The following ARHGAP15 variants were observed in gnomAD, a reference collection of about 807,000 sequenced individuals.
ARHGAP15 encodes rho GTPase-activating protein 15.
ARHGAP15 carries 51 observed loss-of-function variants against 63.7 expected under a neutral mutation model. The ratio of observed to expected loss-of-function variants is 0.80; its 90% CI spans 0.64 to 1.01. The LOEUF (loss-of-function observed/expected upper bound fraction) is 1.01. ARHGAP15 is among the 50% of genes least tolerant of loss of function. The pLI is 0.00. For missense variants in ARHGAP15, 560 were observed against 564.6 expected (o/e 0.99, Z 0.08); for synonymous variants, 191 against 193.8 (o/e 0.99, Z 0.12).
At chr2:143,612,971 AC>A (rs1259284309) in intron 11 of ARHGAP15, among the ~76,000 whole-genome samples, 1 of 152,234 alleles carries the variant, frequency 6.6e-6, no homozygotes, top group Non-Finnish European at 1.5e-5. Flanking sequence ...TACCTTTACT[AC>A]AATGCTCAAT....
At chr2:143,378,175 A>G (rs1213574965) in intron 6 of ARHGAP15, among the ~76,000 whole-genome samples, 1 of 152,078 alleles carries the variant, frequency 6.6e-6, no homozygotes, top group Non-Finnish European at 1.5e-5. Context: ...ATCTAGTAAT[A>G]GTGGCTAATG....
intron 2 of ARHGAP15, among the ~76,000 whole-genome samples, chr2:143,183,514 A>T (rs1391213465): frequency 6.6e-6 from 1 of 152,312 alleles, no homozygotes; most frequent in Admixed American, 6.5e-5. Context: ...TACTGATTCA[A>T]ACATATCTTT....
chr2:143,296,128 C>A (rs373033310), intron 6 of ARHGAP15, among the ~76,000 whole-genome samples: 3 of 152,026 alleles, frequency 2.0e-5, no homozygotes, highest in Admixed American at 6.6e-5. Flanking sequence ...AATATTTCAT[C>A]CCTCCCTCAA....
intron 8 of ARHGAP15, among the ~76,000 whole-genome samples, chr2:143,439,208 A>AG (rs764719087): frequency 0.058 from 8,796 of 152,008 alleles, 330 homozygotes; most frequent in East Asian, 0.14. Flanking sequence ...GGATCACCTG[A>AG]GGTCAGGAGT....
At chr2:143,268,757 G>C (rs1207248670) in intron 6 of ARHGAP15, among the ~76,000 whole-genome samples, 1 of 151,972 alleles carries the variant, frequency 6.6e-6, no homozygotes, top group African/African-American at 2.4e-5. Flanking sequence ...GTAAAAATCC[G>C]TATATTACTG....
At chr2:143,543,562 T>C (rs1468403147) in intron 10 of ARHGAP15, among the ~76,000 whole-genome samples, 1 of 152,144 alleles carries the variant, frequency 6.6e-6, no homozygotes, top group Non-Finnish European at 1.5e-5. Flanking sequence ...TTTGATGTAA[T>C]CTCATTTGTC....
chr2:143,347,686 T>C (rs1047357013), intron 6 of ARHGAP15, among the ~76,000 whole-genome samples: 2 of 152,142 alleles, frequency 1.3e-5, no homozygotes, highest in Non-Finnish European at 2.9e-5. Flanking sequence ...CTCTGGATGT[T>C]GCGTTAGGAA....
chr2:143,424,825 G>A (rs941682807), intron 6 of ARHGAP15, among the ~76,000 whole-genome samples: 1 of 152,096 alleles, frequency 6.6e-6, no homozygotes, highest in Non-Finnish European at 1.5e-5. Flanking sequence ...CTTCTTAAGA[G>A]GAAGGGTCAC....
At chr2:143,340,427 G>A (rs1685004831) in intron 6 of ARHGAP15, among the ~76,000 whole-genome samples, 1 of 151,996 alleles carries the variant, frequency 6.6e-6, no homozygotes, top group South Asian at 2.1e-4. Flanking sequence ...ACAGAGCTGG[G>A]GAAAGATTTT....
Position 143,487,447 on chromosome 2 carries a change from A to T in ARHGAP15, c.778A>T (p.Thr260Ser). The T allele has an allele frequency of 6.2e-7, 1 of 1,613,798 alleles. No individual in the cohort carries two copies. Among genetic ancestry groups the T allele is most frequent in the Non-Finnish European group, 8.5e-7 (1 of 1,179,892 alleles). ...TAAAAGCAGATTAAAGAAGTTTATT[A>T]CCCGAAGACCTTCCCTGAAAACTCT... ...RVKSRLKKFITRRPSLKTLQE... is the reference protein window; with the variant it reads ...RVKSRLKKFISRRPSLKTLQE... Residue 260 changes from threonine (T) to serine (S), a missense_variant, in exon 9 of 14, where the codon ACC (threonine) becomes TCC (serine). By Grantham distance (58) the Thr-to-Ser change is moderately conservative. Coordinates refer to ENST00000295095, the MANE Select transcript of ARHGAP15 (RefSeq NM_018460.4).
At chr2:143,360,450 A>G (rs1221270224) in intron 6 of ARHGAP15, among the ~76,000 whole-genome samples, 1 of 152,072 alleles carries the variant, frequency 6.6e-6, no homozygotes, top group Non-Finnish European at 1.5e-5. Flanking sequence ...ATTCTAGGAC[A>G]TTGTAGGCAT....
chr2:143,725,409 C>T (rs1342855612), intron 13 of ARHGAP15, among the ~76,000 whole-genome samples: 1 of 152,348 alleles, frequency 6.6e-6, no homozygotes, highest in South Asian at 2.1e-4. Context: ...CAACACCAAT[C>T]TGGAGAAAAC....
At chr2:143,619,225 C>T (rs1698563036) in intron 11 of ARHGAP15, among the ~76,000 whole-genome samples, 1 of 152,040 alleles carries the variant, frequency 6.6e-6, no homozygotes, top group Admixed American at 6.5e-5. Context: ...AAAATTATTC[C>T]TAATAGCTAC....
chr2:143,501,216 C>T (rs1693039562), intron 9 of ARHGAP15, among the ~76,000 whole-genome samples: 1 of 152,252 alleles, frequency 6.6e-6, no homozygotes, highest in African/African-American at 2.4e-5. Flanking sequence ...TGGACTCCCT[C>T]ATAATTTGTA....
intron 6 of ARHGAP15, among the ~76,000 whole-genome samples, chr2:143,264,809 G>A (rs980184758): frequency 2.6e-5 from 4 of 151,918 alleles, no homozygotes; most frequent in East Asian, 1.9e-4. Context: ...AAGTTCAACC[G>A]GTATTAACGG....
At chr2:143,748,045 TTAGAATA>T (rs1296066416) in intron 13 of ARHGAP15, among the ~76,000 whole-genome samples, 1 of 152,178 alleles carries the variant, frequency 6.6e-6, no homozygotes, top group Non-Finnish European at 1.5e-5. Flanking sequence ...GCAATTAATT[TTAGAATA>T]TAGAACAAAA....
chr2:143,143,762 CT>C (rs879776584), intron 1 of ARHGAP15, among the ~76,000 whole-genome samples: 245 of 145,070 alleles, frequency 1.7e-3, no homozygotes, highest in Non-Finnish European at 1.7e-3. Flanking sequence ...TTCCCATACA[CT>C]TTTTTTTTTT....
chr2:143,432,695 T>C (rs1689439783), intron 6 of ARHGAP15, among the ~76,000 whole-genome samples: 1 of 152,064 alleles, frequency 6.6e-6, no homozygotes, highest in Non-Finnish European at 1.5e-5. Flanking sequence ...TGGACCCTTA[T>C]TTAGTATGAA....
At position 143,200,228 on chromosome 2, in the gene ARHGAP15, A is replaced by C. The variant is rs114519881; in HGVS notation, c.166-1906A>C. On this transcript the variant is annotated intron_variant, in intron 2 of 13. Transcript: ENST00000295095. ...TGCTTTCTGGAGTCTGTTCCTTCTC[A>C]ATTATCTTCCATAGGACACCTGTGA... Among the ~76,000 whole-genome samples the C allele has an allele frequency of 5.9e-3, 895 of 152,008 alleles. 8 individuals are homozygous for C. The highest frequency in any genetic ancestry group is 0.02 in the African/African-American group (841 of 41,456).
Sources: gnomAD v4.1 joint callset for allele counts (sites outside exome capture counted in the v4.1 genomes callset) on GRCh38, gnomAD v4.1.1 for gene constraint, MANE v1.5 for transcripts, NCBI Gene and HGNC (gene_info 2026-07-23, HGNC 2026-07-21) for gene names.